SAMTOR: variants seen among roughly 807,000 people sequenced by gnomAD.
The protein encoded by SAMTOR is S-adenosylmethionine sensor upstream of mTORC1, also known as UPF0532 protein C7orf60.
the SAMTOR span, among the ~76,000 whole-genome samples, chr7:112,858,451 T>C: frequency 1.1e-3 from 164 of 152,098 alleles, no homozygotes; most frequent in Admixed American, 4.0e-3. Context: ...TAGAAGATAA[T>C]AGTAATTCTG....
chr7:112,839,260 T>C, the SAMTOR span, among the ~76,000 whole-genome samples: 1 of 151,860 alleles, frequency 6.6e-6, no homozygotes, highest in African/African-American at 2.4e-5. Context: ...AATCTGAGAC[T>C]ACAGGTACTT....
chr7:112,923,789 A>G, the SAMTOR span, among the ~76,000 whole-genome samples: 1 of 152,160 alleles, frequency 6.6e-6, no homozygotes, highest in Non-Finnish European at 1.5e-5. Context: ...ACTTGGAACC[A>G]ACCCAAATGT....
At chr7:112,934,761 T>G in the SAMTOR span, among the ~76,000 whole-genome samples, 2 of 152,346 alleles carry the variant, frequency 1.3e-5, no homozygotes, top group Admixed American at 1.3e-4. Context: ...AGAACCGCTA[T>G]GTTAGTGGGT....
At chr7:112,894,438 GAC>G in the SAMTOR span, among the ~76,000 whole-genome samples, 19 of 152,236 alleles carry the variant, frequency 1.2e-4, no homozygotes, top group Non-Finnish European at 2.9e-5. Flanking sequence ...ACTAAAATGT[GAC>G]AGTGTATTAG....
At chr7:112,844,544 C>T in the SAMTOR span, among the ~76,000 whole-genome samples, 6 of 151,964 alleles carry the variant, frequency 3.9e-5, no homozygotes, top group South Asian at 1.2e-3. Flanking sequence ...TATGGCTAAC[C>T]CGGAAGGTGG....
At chr7:112,938,724 A>T in the SAMTOR span, among the ~76,000 whole-genome samples, 2 of 152,168 alleles carry the variant, frequency 1.3e-5, no homozygotes, top group Non-Finnish European at 2.9e-5. Context: ...TGTGTACAAA[A>T]GCCTATATTT....
the SAMTOR span, among the ~76,000 whole-genome samples, chr7:112,871,934 T>A: frequency 6.6e-6 from 1 of 152,168 alleles, no homozygotes; most frequent in Non-Finnish European, 1.5e-5. Flanking sequence ...GTCCAAAGAT[T>A]AAATTGGGAA....
the SAMTOR span, among the ~76,000 whole-genome samples, chr7:112,907,459 A>C: frequency 1.6e-4 from 24 of 152,132 alleles, no homozygotes; most frequent in African/African-American, 5.8e-4. Context: ...TTTCTAAGAC[A>C]ATAAAAATCT....
the SAMTOR span, among the ~76,000 whole-genome samples, chr7:112,896,578 A>G: frequency 6.6e-6 from 1 of 152,212 alleles, no homozygotes; most frequent in East Asian, 1.9e-4. Flanking sequence ...CTCTATACGC[A>G]GAAGTTGAAA....
chr7:112,911,577 T>C, the SAMTOR span, among the ~76,000 whole-genome samples: 3 of 151,382 alleles, frequency 2.0e-5, no homozygotes, highest in South Asian at 2.1e-4. Flanking sequence ...AAAGAAAAAA[T>C]AGCCAAAAGA....
At chr7:112,857,608 A>C in the SAMTOR span, among the ~76,000 whole-genome samples, 1 of 152,200 alleles carries the variant, frequency 6.6e-6, no homozygotes, top group Non-Finnish European at 1.5e-5. Context: ...CCAGTGACAA[A>C]ATGAAAAAGT....
the SAMTOR span, among the ~76,000 whole-genome samples, chr7:112,892,136 C>T: frequency 6.6e-6 from 1 of 152,178 alleles, no homozygotes; most frequent in Non-Finnish European, 1.5e-5. Flanking sequence ...CCAGTAGATG[C>T]CATCTCAAAA....
At chr7:112,904,567 T>C in the SAMTOR span, among the ~76,000 whole-genome samples, 1 of 150,064 alleles carries the variant, frequency 6.7e-6, no homozygotes, top group African/African-American at 2.4e-5. Flanking sequence ...TTAATGCTTA[T>C]ATCAATACAA....
chr7:112,830,560 T>G, the SAMTOR span, among the ~76,000 whole-genome samples: 203 of 152,274 alleles, frequency 1.3e-3, no homozygotes, highest in African/African-American at 4.7e-3. Flanking sequence ...ATGTATATCT[T>G]GAGGAAGGAA....
the SAMTOR span, among the ~76,000 whole-genome samples, chr7:112,916,724 C>T: frequency 6.6e-6 from 1 of 152,146 alleles, no homozygotes; most frequent in African/African-American, 2.4e-5. Flanking sequence ...CCTGGAAAAT[C>T]GGGTCACTCC....
chr7:112,918,254 A>C, the SAMTOR span, among the ~76,000 whole-genome samples: 74 of 152,386 alleles, frequency 4.9e-4, no homozygotes, highest in Non-Finnish European at 9.4e-4. Context: ...ATCTCTCGGC[A>C]GAAACTCTAC....
the SAMTOR span, among the ~76,000 whole-genome samples, chr7:112,841,045 C>T: frequency 2.6e-5 from 4 of 152,102 alleles, no homozygotes; most frequent in South Asian, 2.1e-4. Context: ...CCCCCTCTCA[C>T]GACTCCTATT....
the SAMTOR span, among the ~76,000 whole-genome samples, chr7:112,925,918 A>G: frequency 4.6e-5 from 7 of 152,136 alleles, no homozygotes; most frequent in African/African-American, 1.7e-4. Context: ...GAAAAAACTA[A>G]TACAAGGTTG....
chr7:112,928,593 G>A, the SAMTOR span, among the ~76,000 whole-genome samples: 2 of 151,882 alleles, frequency 1.3e-5, no homozygotes, highest in Non-Finnish European at 2.9e-5. Flanking sequence ...TTTTCATCAT[G>A]CTCAAAAAAT....
Sources: gnomAD v4.1 joint callset for allele counts (sites outside exome capture counted in the v4.1 genomes callset) on GRCh38, gnomAD v4.1.1 for gene constraint, MANE v1.5 for transcripts, NCBI Gene and HGNC (gene_info 2026-07-23, HGNC 2026-07-21) for gene names.